CLINT1: variants seen among roughly 807,000 people sequenced by gnomAD.
CLINT1 encodes clathrin interacting protein localized in the trans-Golgi region.
Under a neutral mutation model 70.4 loss-of-function variants are expected in CLINT1, and 15 were observed. That is an observed-to-expected ratio of 0.21 (90% CI 0.14 to 0.33). CLINT1 has a LOEUF of 0.33. Among genes scored for constraint, CLINT1 ranks in the 10% least tolerant of loss-of-function variants. The pLI is 1.00. For missense variants in CLINT1, 615 were observed against 778.1 expected, an observed-to-expected ratio of 0.79 and a Z score of 2.49; for synonymous variants, 227 against 254.7, an observed-to-expected ratio of 0.89 and a Z score of 1.04.
chr5:157,846,224 C>G (rs1006880376), intron 1 of CLINT1, among the ~76,000 whole-genome samples: 2 of 152,170 alleles, frequency 1.3e-5, no homozygotes, highest in Non-Finnish European at 2.9e-5. Context: ...AAAGCTATGC[C>G]TCTTGTGCCA....
chr5:157,855,928 C>A (rs7719092), intron 1 of CLINT1, among the ~76,000 whole-genome samples: 2,415 of 151,734 alleles, frequency 0.016, 69 homozygotes, highest in African/African-American at 0.055. Context: ...AGAGCGAAAC[C>A]CCATCTCAAA....
At position 157,838,129 on chromosome 5, in the gene CLINT1, T is replaced by G. The variant is rs144753533; in HGVS notation, c.42-20582A>C. Among the ~76,000 whole-genome samples the G allele has an allele frequency of 3.3e-3, 502 of 150,824 alleles. 1 individual carries two copies. Among genetic ancestry groups the G allele is most frequent in the Non-Finnish European group, 5.9e-3 (401 of 67,580 alleles). On this transcript the variant is annotated intron_variant, in intron 1 of 11. Coordinates refer to ENST00000411809, the MANE Select transcript of CLINT1 (RefSeq NM_014666.4). The stretch of plus-strand genomic sequence containing the variant: ...TTAAGTCAAGGTTTTTTTGTTTTTT[T>G]TTTTTTTTTGAGATGGAGTCTTGCT...
Position 157,816,976 on chromosome 5 carries a change from G to C in CLINT1, c.147-146C>G, listed in dbSNP as rs963029991. ...AAATTTAGAAGATATGTACTTCCTT[G>C]AAAATGTTTTCCCTATGTTTTATAC... On this transcript the variant is annotated intron_variant, in intron 2 of 11. Coordinates refer to ENST00000411809, the MANE Select transcript of CLINT1 (RefSeq NM_014666.4). 5 of 580,808 alleles carry C rather than the reference G, an allele frequency of 8.6e-6. No individual in the cohort carries two copies. In the Admixed American group the frequency reaches 1.5e-4, roughly 17 times the overall value. 36.0% of individuals were successfully genotyped at this position (580,808 alleles called of 1,614,324 possible).
At chr5:157,821,704 G>A (rs1485753278) in intron 1 of CLINT1, among the ~76,000 whole-genome samples, 1 of 152,166 alleles carries the variant, frequency 6.6e-6, no homozygotes, top group Admixed American at 6.5e-5. Flanking sequence ...GGATCACACT[G>A]TTTAAATGTA....
Position 157,786,360 on chromosome 5 carries a change from T to G in CLINT1, c.*1286A>C, listed in dbSNP as rs1761727009. The G allele has an allele frequency of 6.6e-6, 1 of 152,258 alleles. No individual in the cohort carries two copies. Among genetic ancestry groups the G allele is most frequent in the Non-Finnish European group, 1.5e-5 (1 of 67,828 alleles). 9.4% of individuals were successfully genotyped at this position (152,258 alleles called of 1,614,324 possible). The stretch of plus-strand genomic sequence containing the variant: ...TATAATGGAAATAAAGTTTTATCAA[T>G]TTAATAAAAAAATTTTCAACATAAC... On this transcript the variant is annotated 3_prime_UTR_variant, in exon 12 of 12. Coordinates refer to ENST00000411809, the MANE Select transcript of CLINT1 (RefSeq NM_014666.4).
chr5:157,810,938 C>T (rs1451342168), intron 5 of CLINT1, among the ~76,000 whole-genome samples: 2 of 152,142 alleles, frequency 1.3e-5, no homozygotes, highest in Non-Finnish European at 2.9e-5. Flanking sequence ...TTTTCTGTTA[C>T]ATGTTTAAGG....
rs781366234 is a variant in CLINT1, at chr5:157,794,925, C to A, written c.1060G>T (p.Ala354Ser). Residue 354 changes from alanine to serine, a missense_variant, in exon 9 of 12, where the codon GCT becomes TCT. Ala to Ser is a moderately conservative substitution (Grantham distance 99, BLOSUM62 1). This residue lies in a region of CLINT1 where 374 missense variants were observed against 409.6 expected (regional missense o/e 0.91). Coordinates refer to ENST00000411809, the MANE Select transcript of CLINT1 (RefSeq NM_014666.4). ...FGGFADFGSA[A>S]ASGSFPSQVT... ...TGGGAAGGGAAACTGCCTGATGCAG[C>A]AGCTGAGCCAAAGTCAGCAAATCCT... 2 of 1,558,516 alleles carry A rather than the reference C, an allele frequency of 1.3e-6. No individual in the cohort carries two copies. Among genetic ancestry groups the A allele is most frequent in the Non-Finnish European group, 8.7e-7 (1 of 1,150,538 alleles).
intron 1 of CLINT1, among the ~76,000 whole-genome samples, chr5:157,839,526 T>G (rs549540275): frequency 6.6e-6 from 1 of 151,016 alleles, no homozygotes; most frequent in Non-Finnish European, 1.5e-5. Context: ...GGCTTGAACC[T>G]GGGAGGTGGA....
At chr5:157,831,388 C>T (rs1763240106) in intron 1 of CLINT1, among the ~76,000 whole-genome samples, 1 of 152,060 alleles carries the variant, frequency 6.6e-6, no homozygotes, top group Non-Finnish European at 1.5e-5. Flanking sequence ...GACAAGGTTT[C>T]ACCATGTTGG....
chr5:157,838,776 T>C (rs1456080376), intron 1 of CLINT1, among the ~76,000 whole-genome samples: 3 of 152,256 alleles, frequency 2.0e-5, no homozygotes, highest in African/African-American at 7.2e-5. Flanking sequence ...AGCATGTTAT[T>C]GCCATAATCA....
At chr5:157,819,463 A>C (rs775865718) in intron 1 of CLINT1, among the ~76,000 whole-genome samples, 2 of 152,158 alleles carry the variant, frequency 1.3e-5, no homozygotes, top group Non-Finnish European at 1.5e-5. Flanking sequence ...TTTCGTTAAA[A>C]TCCAGTAATG....
chr5:157,815,543 G>A (rs1762693909), intron 3 of CLINT1, among the ~76,000 whole-genome samples: 1 of 152,132 alleles, frequency 6.6e-6, no homozygotes, highest in Non-Finnish European at 1.5e-5. Flanking sequence ...TAGGCGGAAA[G>A]GAGGGGGTGG....
intron 8 of CLINT1, among the ~76,000 whole-genome samples, chr5:157,799,353 C>T (rs931366107): frequency 4.6e-5 from 7 of 152,000 alleles, no homozygotes; most frequent in Non-Finnish European, 7.4e-5. Context: ...AACTAACTAG[C>T]GATTACTGGG....
At chr5:157,850,451 T>C (rs1753533408) in intron 1 of CLINT1, among the ~76,000 whole-genome samples, 2 of 151,404 alleles carry the variant, frequency 1.3e-5, no homozygotes, top group African/African-American at 4.9e-5. Context: ...AAACCCTATC[T>C]CTACAAAAAA....
chr5:157,841,681 C>T (rs1170633254), intron 1 of CLINT1, among the ~76,000 whole-genome samples: 1 of 152,104 alleles, frequency 6.6e-6, no homozygotes, highest in Non-Finnish European at 1.5e-5. Context: ...AGTGCAGTGG[C>T]ACAACCAGGG....
intron 8 of CLINT1, among the ~76,000 whole-genome samples, chr5:157,800,246 A>C (rs971047299): frequency 1.3e-5 from 2 of 152,152 alleles, no homozygotes; most frequent in African/African-American, 4.8e-5. Context: ...CACACACACA[A>C]AAATCTGAAC....
intron 1 of CLINT1, among the ~76,000 whole-genome samples, chr5:157,858,295 C>T (rs902724434): frequency 3.3e-5 from 5 of 152,114 alleles, no homozygotes; most frequent in African/African-American, 1.2e-4. Context: ...GAAAAAATCG[C>T]AAGAAGTCAT....
At chr5:157,830,796 C>CTCTCTATATA (rs1300619885) in intron 1 of CLINT1, among the ~76,000 whole-genome samples, 55 of 85,712 alleles carry the variant, frequency 6.4e-4, no homozygotes, top group African/African-American at 2.1e-3. Flanking sequence ...CTCTCTCTCT[C>CTCTCTATATA]TATATATATA....
intron 1 of CLINT1, among the ~76,000 whole-genome samples, chr5:157,850,612 CAAAAAAAA>C (rs67243040): frequency 6.6e-5 from 4 of 60,368 alleles, no homozygotes; most frequent in East Asian, 5.5e-4. Flanking sequence ...GACCCTGTCT[CAAAAAAAA>C]AAAAAAAAAA....
Sources: gnomAD v4.1 joint callset for allele counts (sites outside exome capture counted in the v4.1 genomes callset) on GRCh38, gnomAD v4.1.1 for gene constraint, gnomAD v4.1.1 regional missense constraint, MANE v1.5 for transcripts, NCBI Gene and HGNC (gene_info 2026-07-23, HGNC 2026-07-21) for gene names.